GNG7: variants seen among roughly 807,000 people sequenced by gnomAD.
The protein encoded by GNG7 is G protein subunit gamma 7.
A neutral mutation model predicts 4.0 loss-of-function variants in GNG7; 1 was observed. The ratio of observed to expected loss-of-function variants is 0.25; its 90% CI spans 0.09 to 1.18. The LOEUF (loss-of-function observed/expected upper bound fraction) is 1.18, where lower values mean the gene tolerates loss of function less well. Ranked by LOEUF, GNG7 falls within the 50% of genes most tolerant of loss-of-function variation. GNG7 has a pLI of 0.50. For synonymous variants in GNG7, 34 were observed against 36.9 expected (o/e 0.92, Z 0.29); for missense variants, 86 against 91.9 (o/e 0.94, Z 0.26).
At chr19:2,625,493 C>G (rs535959409) in intron 2 of GNG7, among the ~76,000 whole-genome samples, 1 of 152,048 alleles carries the variant, frequency 6.6e-6, no homozygotes, top group Non-Finnish European at 1.5e-5. Flanking sequence ...GGATTACAGG[C>G]GTGAGCCACT....
intron 2 of GNG7, among the ~76,000 whole-genome samples, chr19:2,576,694 G>A (rs1202864069): frequency 2.6e-5 from 4 of 152,096 alleles, no homozygotes; most frequent in South Asian, 2.1e-4. Flanking sequence ...CTACAGGTGC[G>A]TACCAGCCCA....
In GNG7 at chr19:2,528,355, G is replaced by A. The variant is rs375652762; in HGVS notation, c.-37-7630C>T. On this transcript the variant is annotated intron_variant, in intron 3 of 4. Coordinates refer to ENST00000382159, the MANE Select transcript of GNG7 (RefSeq NM_052847.3). ...TGGGAGGCCGAGGCGGGCAGATCAC[G>A]AGGCCAGGAGATACAGACCATCCTG... is the stretch of plus-strand genomic sequence containing the variant. Among the ~76,000 whole-genome samples the A allele has an allele frequency of 4.6e-4, 68 of 148,492 alleles. 2 individuals carry two copies. The South Asian group carries it at 0.014, about 29-fold the overall frequency.
intron 2 of GNG7, among the ~76,000 whole-genome samples, chr19:2,558,625 G>A (rs115362370): frequency 2.5e-3 from 365 of 147,212 alleles, no homozygotes; most frequent in African/African-American, 8.6e-3. Context: ...CTGGGGAAAG[G>A]ATAAAGTGCT....
At chr19:2,605,726 A>G (rs532012649) in intron 2 of GNG7, among the ~76,000 whole-genome samples, 3 of 149,588 alleles carry the variant, frequency 2.0e-5, no homozygotes, top group Non-Finnish European at 4.4e-5. Context: ...GTTGGCCAGC[A>G]TGGTCTCGAT....
At position 2,520,599 on chromosome 19, in the gene GNG7, TG is replaced by T; in HGVS notation, c.81+8del. 1.3e-6 allele frequency: 2 copies of T among 1,507,792 alleles called. No individual in the cohort carries two copies. Among genetic ancestry groups the T allele is most frequent in the Non-Finnish European group, 1.8e-6 (2 of 1,106,200 alleles). The allele number at this position is 1,507,792 out of a possible 1,614,324, so 93.4% of individuals were successfully genotyped here. On this transcript the variant is annotated splice_region_variant and intron_variant, in intron 4 of 4. Transcript: ENST00000382159. ...CTCCCCTCCTCTTCCTGATGCCCGC[TG>T]GGCTCACCTTGATGCGCTCAATCCC...
rs2144752634 is a variant in GNG7, at chr19:2,546,568, G to C, written c.-38+8581C>G. 6.6e-6 allele frequency among the ~76,000 whole-genome samples: 1 copy of C among 152,336 alleles called. No homozygotes were observed. The highest frequency in any genetic ancestry group is 2.1e-4 in the South Asian group (1 of 4,828). The stretch of plus-strand genomic sequence containing the variant: ...TCCCCGGGGCAGCTATATTTAGAAG[G>C]GGCTAAAGAGAGGGAATGAATGAGG... On this transcript the variant is annotated intron_variant, in intron 3 of 4. Coordinates refer to ENST00000382159, the MANE Select transcript of GNG7 (RefSeq NM_052847.3). This position sits in a 1 kb window ranked among gnomAD's most constrained non-coding sequence, Gnocchi z 6.3.
chr19:2,562,294 T>C (rs557895430), intron 2 of GNG7, among the ~76,000 whole-genome samples: 10 of 142,446 alleles, frequency 7.0e-5, no homozygotes, highest in Admixed American at 2.8e-4. Context: ...TTCTTTCTTT[T>C]TTTTTTTGAG....
At chr19:2,529,339 C>T (rs2144736058) in intron 3 of GNG7, among the ~76,000 whole-genome samples, 1 of 152,258 alleles carries the variant, frequency 6.6e-6, no homozygotes, top group South Asian at 2.1e-4. Flanking sequence ...GCCTCAGCCT[C>T]CCGGAGTAGC....
intron 1 of GNG7, among the ~76,000 whole-genome samples, chr19:2,668,043 A>G (rs1222755423): frequency 1.3e-5 from 2 of 152,218 alleles, no homozygotes; most frequent in Non-Finnish European, 2.9e-5. Flanking sequence ...AAATCTGAAC[A>G]GAGTGCAGAC....
chr19:2,669,239 C>T (rs1225411310), intron 1 of GNG7, among the ~76,000 whole-genome samples: 1 of 152,190 alleles, frequency 6.6e-6, no homozygotes, highest in African/African-American at 2.4e-5. Flanking sequence ...CACCTGCCAT[C>T]CCAGCACTTT....
At chr19:2,530,151 G>A (rs779525873) in intron 3 of GNG7, among the ~76,000 whole-genome samples, 1 of 152,256 alleles carries the variant, frequency 6.6e-6, no homozygotes, top group Non-Finnish European at 1.5e-5. Flanking sequence ...GGCGGCTCAC[G>A]CCTGTGATCC....
intron 2 of GNG7, among the ~76,000 whole-genome samples, chr19:2,603,856 T>A (rs2144814718): frequency 1.3e-5 from 2 of 151,880 alleles, no homozygotes; most frequent in Middle Eastern, 6.8e-3. Context: ...TTATTATTAT[T>A]ATTTTATTTT....
intron 1 of GNG7, among the ~76,000 whole-genome samples, chr19:2,685,402 T>C (rs1983846878): frequency 6.6e-6 from 1 of 152,078 alleles, no homozygotes; most frequent in Non-Finnish European, 1.5e-5. Context: ...GGCTGAAGGA[T>C]AGCTTGAGCC....
At chr19:2,522,675 C>A (rs12983090) in intron 3 of GNG7, among the ~76,000 whole-genome samples, 35,941 of 140,842 alleles carry the variant, frequency 0.26, 5,122 homozygotes, top group South Asian at 0.35. Context: ...TGGGGTGAAC[C>A]CGGAAGGCGG....
intron 2 of GNG7, among the ~76,000 whole-genome samples, chr19:2,605,689 T>G (rs1981360002): frequency 3.3e-5 from 5 of 151,490 alleles, no homozygotes; most frequent in Admixed American, 3.3e-4. Flanking sequence ...AATTTTTGTA[T>G]TTTTAGTAGA....
intron 2 of GNG7, among the ~76,000 whole-genome samples, chr19:2,599,758 G>T (rs895465285): frequency 6.6e-6 from 1 of 151,960 alleles, no homozygotes; most frequent in Non-Finnish European, 1.5e-5. Context: ...GCAATACGGC[G>T]AAACCCCGTC....
At chr19:2,595,890 C>G (rs1415375293) in intron 2 of GNG7, among the ~76,000 whole-genome samples, 1 of 152,024 alleles carries the variant, frequency 6.6e-6, no homozygotes. Flanking sequence ...ATGACCAGGA[C>G]AACTGTGTGA....
At chr19:2,645,924 C>G (rs1228427189) in intron 2 of GNG7, among the ~76,000 whole-genome samples, 1 of 152,160 alleles carries the variant, frequency 6.6e-6, no homozygotes, top group East Asian at 1.9e-4. Context: ...CACGAAGACA[C>G]CGGAAAGGCA....
chr19:2,555,616 A>G (rs1240335548), intron 2 of GNG7, among the ~76,000 whole-genome samples: 1 of 152,144 alleles, frequency 6.6e-6, no homozygotes, highest in Non-Finnish European at 1.5e-5. Context: ...GTGCCGGGCA[A>G]AGGGAGAGGT....
Sources: gnomAD v4.1 joint callset for allele counts (sites outside exome capture counted in the v4.1 genomes callset) on GRCh38, gnomAD v4.1.1 for gene constraint, Gnocchi (gnomAD v3.1) non-coding constraint, MANE v1.5 for transcripts, NCBI Gene and HGNC (gene_info 2026-07-23, HGNC 2026-07-21) for gene names.